Variants in RALGAPA2 observed in about 807,000 individuals in gnomAD.
The protein encoded by RALGAPA2 is Ral GTPase activating protein catalytic subunit alpha 2.
In RALGAPA2, 139 loss-of-function variants were observed where a neutral mutation model predicts 230.4. The ratio of observed to expected loss-of-function variants is 0.60; its 90% CI spans 0.53 to 0.69. RALGAPA2 has a LOEUF of 0.69. RALGAPA2 is among the 30% of genes least tolerant of loss of function. The pLI, the probability that RALGAPA2 is intolerant of heterozygous loss-of-function variation, is 0.00. For synonymous variants in RALGAPA2, 847 were observed against 837.8 expected, an observed-to-expected ratio of 1.01 and a Z score of -0.19; for missense variants, 2,163 against 2,276.0, an observed-to-expected ratio of 0.95 and a Z score of 1.01.
At chr20:20,459,325 ATACTT>A (rs1260658328) in intron 37 of RALGAPA2, among the ~76,000 whole-genome samples, 2 of 152,140 alleles carry the variant, frequency 1.3e-5, no homozygotes, top group African/African-American at 4.8e-5. Flanking sequence ...AGTATTGACT[ATACTT>A]TATGTCATAA....
chr20:20,531,779 A>G lies in RALGAPA2; in HGVS notation c.3490T>C (p.Ser1164Pro), dbSNP rs1273932691. Residue 1164 changes from serine to proline, a missense_variant, in exon 27 of 40, where the codon TCC (serine) becomes CCC (proline). Transcript: ENST00000202677. ...TCTTCACATATCCAGACCCCAAGGG[A>G]GCAAACAGCAATGCATCTTTTTAAA... Reference protein sequence around the residue: ...NEYARCIAVCSLGVWICEELA... With the variant: ...NEYARCIAVCPLGVWICEELA... The G allele has an allele frequency of 6.2e-7, 1 of 1,602,744 alleles. No homozygotes were observed. Among genetic ancestry groups the G allele is most frequent in the South Asian group, 1.1e-5 (1 of 88,888 alleles).
intron 37 of RALGAPA2, among the ~76,000 whole-genome samples, chr20:20,436,835 C>T (rs2060626197): frequency 1.3e-5 from 2 of 152,262 alleles, no homozygotes; most frequent in Non-Finnish European, 2.9e-5. Context: ...TGACTGCCCA[C>T]TACGTCCTGC....
At chr20:20,708,448 T>A (rs2069698298) in intron 1 of RALGAPA2, among the ~76,000 whole-genome samples, 1 of 152,174 alleles carries the variant, frequency 6.6e-6, no homozygotes, top group South Asian at 2.1e-4. Flanking sequence ...CATACTGTTC[T>A]CATGGTAGTG....
At chr20:20,563,520 C>G (rs1031851646) in intron 23 of RALGAPA2, among the ~76,000 whole-genome samples, 1 of 152,200 alleles carries the variant, frequency 6.6e-6, no homozygotes, top group African/African-American at 2.4e-5. Context: ...CTGCACATTT[C>G]TAATTCCTAA....
intron 37 of RALGAPA2, among the ~76,000 whole-genome samples, chr20:20,440,822 C>A (rs1406933066): frequency 6.6e-6 from 1 of 152,236 alleles, no homozygotes; most frequent in Non-Finnish European, 1.5e-5. Context: ...TTAACGAGGA[C>A]CCACTTTCTT....
chr20:20,514,527 C>T (rs1481035181), intron 31 of RALGAPA2, among the ~76,000 whole-genome samples: 1 of 152,084 alleles, frequency 6.6e-6, no homozygotes, highest in Non-Finnish European at 1.5e-5. Flanking sequence ...CACTTCCTCA[C>T]CCAGATTGGT....
chr20:20,712,125 A>C lies in RALGAPA2; in HGVS notation c.106+250T>G, dbSNP rs1219815771. Among the ~76,000 whole-genome samples the C allele has an allele frequency of 6.6e-6, 1 of 151,950 alleles. No homozygotes were observed. The highest frequency in any genetic ancestry group is 1.5e-5 in the Non-Finnish European group (1 of 67,984). ...GTGCCCGGCCTCCAGGTTCTCCGGG[A>C]GCGCAGGCGCCCAGCGAGAATCTGG... On this transcript the variant is annotated intron_variant, in intron 1 of 39. Transcript: ENST00000202677. This position sits in a 1 kb window ranked among gnomAD's most constrained non-coding sequence, Gnocchi z 5.5.
intron 23 of RALGAPA2, among the ~76,000 whole-genome samples, chr20:20,547,453 C>T (rs141091967): frequency 6.6e-6 from 1 of 152,352 alleles, no homozygotes; most frequent in Admixed American, 6.5e-5. Flanking sequence ...AGAGCATCAT[C>T]TGCCCCAGAC....
chr20:20,538,816 G>A (rs557800051), intron 24 of RALGAPA2, among the ~76,000 whole-genome samples: 1 of 152,246 alleles, frequency 6.6e-6, no homozygotes, highest in South Asian at 2.1e-4. Context: ...CCCTGAGGAC[G>A]AAGAGACAGA....
At chr20:20,624,328 C>CAAAAAAAAAAAAAAAAAAAAAAA (rs748683871) in intron 10 of RALGAPA2, among the ~76,000 whole-genome samples, 1 of 49,160 alleles carries the variant, frequency 2.0e-5, no homozygotes, top group African/African-American at 7.0e-5. Flanking sequence ...ACTCCATCTC[C>CAAAAAAAAAAAAAAAAAAAAAAA]AAAAAAAAAA....
In RALGAPA2 at chr20:20,448,226, C is replaced by T. The variant is rs575434628; in HGVS notation, c.5495+24603G>A. On this transcript the variant is annotated intron_variant, in intron 37 of 39. Coordinates refer to ENST00000202677, the MANE Select transcript of RALGAPA2 (RefSeq NM_020343.4). ...CTGAATACAACATGAATGTAGAACT[C>T]TATCATATTTCAAGACAGAAAGAAT... Among the ~76,000 whole-genome samples, 3 of 152,276 alleles carry T rather than the reference C, an allele frequency of 2.0e-5. No homozygotes were observed. In the South Asian group the frequency reaches 6.2e-4, roughly 32 times the overall value.
chr20:20,408,328 A>G (rs2059987954), intron 38 of RALGAPA2, among the ~76,000 whole-genome samples: 1 of 152,234 alleles, frequency 6.6e-6, no homozygotes, highest in Non-Finnish European at 1.5e-5. Context: ...TGTGACCGTA[A>G]TAGTGATCTG....
At chr20:20,479,801 G>A (rs2061731772) in intron 36 of RALGAPA2, among the ~76,000 whole-genome samples, 1 of 152,138 alleles carries the variant, frequency 6.6e-6, no homozygotes, top group African/African-American at 2.4e-5. Flanking sequence ...ACAAATAGAG[G>A]ACTATGAATT....
At position 20,583,059 on chromosome 20, in the gene RALGAPA2, T is replaced by C. The variant is rs578124054; in HGVS notation, c.2698A>G (p.Asn900Asp). 4.8e-5 allele frequency: 78 copies of C among 1,612,866 alleles called. 1 individual carries two copies. The South Asian group carries it at 8.1e-4, about 17-fold the overall frequency. The change falls in exon 20 of 40, where the codon AAT becomes GAT. Residue 900 changes from asparagine (N) to aspartate (D), a missense_variant. Coordinates refer to ENST00000202677, the MANE Select transcript of RALGAPA2 (RefSeq NM_020343.4). ...WLQLSPTDAS[N>D]LTDSSECLTD... is the part of the protein sequence containing the mutation. ...TCAAAATGCAATTTACCTGTTAAAT[T>C]TGAAGCATCGGTGGGACTCAGTTGT...
At chr20:20,524,000 A>G (rs1197558634) in intron 30 of RALGAPA2, among the ~76,000 whole-genome samples, 1 of 152,110 alleles carries the variant, frequency 6.6e-6, no homozygotes, top group Non-Finnish European at 1.5e-5. Context: ...TCTGTTGCCC[A>G]GGTTGGAGTG....
chr20:20,426,786 C>T (rs1013049121), intron 37 of RALGAPA2, among the ~76,000 whole-genome samples: 1 of 152,196 alleles, frequency 6.6e-6, no homozygotes, highest in Non-Finnish European at 1.5e-5. Flanking sequence ...AATCAGACTA[C>T]ATCCTGAGCA....
intron 2 of RALGAPA2, among the ~76,000 whole-genome samples, chr20:20,677,661 T>G (rs1051855642): frequency 1.2e-4 from 16 of 138,496 alleles, no homozygotes; most frequent in East Asian, 6.4e-4. Context: ...TTTTTTTTTT[T>G]GAGATGGAGT....
At chr20:20,644,566 A>G (rs1034051514) in intron 4 of RALGAPA2, among the ~76,000 whole-genome samples, 5 of 152,262 alleles carry the variant, frequency 3.3e-5, no homozygotes, top group South Asian at 2.1e-4. Flanking sequence ...TCTACTGTTC[A>G]TAACAACTAA....
intron 37 of RALGAPA2, among the ~76,000 whole-genome samples, chr20:20,468,857 A>G (rs1488330193): frequency 1.3e-5 from 2 of 151,634 alleles, no homozygotes; most frequent in Non-Finnish European, 2.9e-5. Flanking sequence ...CCAATCCATC[A>G]TCCCTGCCAC....
Sources: allele counts gnomAD v4.1 joint callset (sites outside exome capture counted in the v4.1 genomes callset), GRCh38; gene constraint gnomAD v4.1.1; non-coding constraint Gnocchi (gnomAD v3.1); transcripts MANE v1.5; gene names NCBI Gene and HGNC (gene_info 2026-07-23, HGNC 2026-07-21).